Variants in LARP1B observed in about 807,000 individuals in gnomAD.
The protein encoded by LARP1B is la-related protein 1B.
A neutral mutation model predicts 114.2 loss-of-function variants in LARP1B; 76 were observed. The observed-to-expected ratio is 0.67, with a 90% CI of 0.55 to 0.81. The LOEUF is 0.81. Among genes scored for constraint, LARP1B ranks in the 30% least tolerant of loss-of-function variants. The pLI is 0.00. For synonymous variants in LARP1B, 345 were observed against 348.0 expected (o/e 0.99, Z 0.10); for missense variants, 1,014 against 1,075.8 (o/e 0.94, Z 0.80).
intron 8 of LARP1B, among the ~76,000 whole-genome samples, chr4:128,103,237 C>A (rs1780898636): frequency 6.6e-6 from 1 of 152,020 alleles, no homozygotes. Context: ...TTTATATGAT[C>A]CTTTTATGGC....
chr4:128,187,866 G>A (rs1750872597), intron 15 of LARP1B, among the ~76,000 whole-genome samples: 1 of 152,082 alleles, frequency 6.6e-6, no homozygotes, highest in African/African-American at 2.4e-5. Context: ...ATAGTGAGTT[G>A]TGAGATCTGG....
chr4:128,152,354 C>T (rs1396071333), intron 11 of LARP1B, among the ~76,000 whole-genome samples: 1 of 151,716 alleles, frequency 6.6e-6, no homozygotes, highest in East Asian at 1.9e-4. Context: ...CAGGCGCATA[C>T]CACCACGCCC....
intron 10 of LARP1B, 38 bp downstream of exon 10, chr4:128,114,780 T>G: frequency 6.3e-7 from 1 of 1,590,062 alleles, no homozygotes; most frequent in Non-Finnish European, 8.6e-7. Context: ...TGACATACCC[T>G]GGGTGGAGTA....
chr4:128,123,605 T>C (rs543307964), intron 11 of LARP1B: 1 of 432,380 alleles, frequency 2.3e-6, no homozygotes, highest in Non-Finnish European at 3.1e-6. Flanking sequence ...TTTCTATTTG[T>C]TCATTACTAT....
At chr4:128,168,763 A>G (rs1365083582) in intron 12 of LARP1B, among the ~76,000 whole-genome samples, 1 of 151,172 alleles carries the variant, frequency 6.6e-6, no homozygotes, top group Non-Finnish European at 1.5e-5. Context: ...TTCATGAGGA[A>G]TATTGTTTTT....
chr4:128,111,924 A>G (rs941640766), intron 9 of LARP1B, among the ~76,000 whole-genome samples: 11 of 151,662 alleles, frequency 7.3e-5, no homozygotes, highest in African/African-American at 2.7e-4. Flanking sequence ...TCCTGACCTC[A>G]GATGATCTGC....
chr4:128,182,302 T>TG (rs1748817497), intron 15 of LARP1B, among the ~76,000 whole-genome samples: 1 of 151,850 alleles, frequency 6.6e-6, no homozygotes, highest in Non-Finnish European at 1.5e-5. Context: ...TTTATAGAGA[T>TG]GGGGTCTCTG....
chr4:128,116,699 T>G (rs903166437), intron 10 of LARP1B, among the ~76,000 whole-genome samples: 29 of 152,218 alleles, frequency 1.9e-4, no homozygotes, highest in African/African-American at 6.8e-4. Context: ...ATTTCAGAGA[T>G]AACTGTTGAG....
intron 5 of LARP1B, among the ~76,000 whole-genome samples, chr4:128,090,035 A>C (rs891685707): frequency 6.7e-6 from 1 of 149,834 alleles, no homozygotes; most frequent in African/African-American, 2.5e-5. Flanking sequence ...AGCCTACCAA[A>C]GTGCTGGTAT....
intron 4 of LARP1B, among the ~76,000 whole-genome samples, chr4:128,080,490 A>T (rs1171933628): frequency 6.6e-6 from 1 of 152,122 alleles, no homozygotes; most frequent in Non-Finnish European, 1.5e-5. Flanking sequence ...ATTTATATTC[A>T]CTTTTCCTCA....
At chr4:128,158,665 C>T (rs1736944651) in intron 11 of LARP1B, among the ~76,000 whole-genome samples, 1 of 152,126 alleles carries the variant, frequency 6.6e-6, no homozygotes, top group African/African-American at 2.4e-5. Flanking sequence ...TTTTCAGCCT[C>T]ATTAGTAATC....
intron 13 of LARP1B, among the ~76,000 whole-genome samples, chr4:128,177,923 A>G (rs1228563643): frequency 2.0e-5 from 3 of 152,046 alleles, no homozygotes; most frequent in Non-Finnish European, 2.9e-5. Context: ...ATAAATGTCT[A>G]TCTGCAGGAG....
chr4:128,146,056 A>G (rs1580986103), intron 11 of LARP1B, among the ~76,000 whole-genome samples: 1 of 152,220 alleles, frequency 6.6e-6, no homozygotes, highest in South Asian at 2.1e-4. Context: ...TATGTATCCT[A>G]AGAAGCATCA....
chr4:128,122,585 C>G, intron 11 of LARP1B: 1 of 1,500,646 alleles, frequency 6.7e-7, no homozygotes, highest in East Asian at 2.5e-5. Context: ...CTCACCGCAG[C>G]TGTATGAGCC....
At chr4:128,061,823 G>T in intron 1 of LARP1B, 1 of 984,994 alleles carries the variant, frequency 1.0e-6, no homozygotes, top group African/African-American at 1.7e-5. Context: ...CGAATGTGAG[G>T]GCAAAGAGGC....
intron 7 of LARP1B, chr4:128,222,272 A>G: frequency 2.2e-6 from 1 of 454,980 alleles, no homozygotes; most frequent in Non-Finnish European, 4.4e-6. Flanking sequence ...AGCAGTTACC[A>G]TGAATCTGAA....
chr4:128,073,572 GTTTTTT>G (rs568197117), intron 1 of LARP1B, among the ~76,000 whole-genome samples: 2 of 39,990 alleles, frequency 5.0e-5, no homozygotes, highest in African/African-American at 1.8e-4. Flanking sequence ...TATTGTTGTC[GTTTTTT>G]TTTTTTTTTT....
rs1005686950 is a variant in LARP1B, at chr4:128,176,643, T to C, written c.1649-229T>C. On this transcript the variant is annotated intron_variant, in intron 12 of 19. Transcript: ENST00000326639. ...GGAAAACAGTATTAACACAATTCAA[T>C]TAAGTTTAGCATTCCTTTGATGAGG... 2.0e-5 allele frequency among the ~76,000 whole-genome samples: 3 copies of C among 152,146 alleles called. No homozygotes were observed. In the East Asian group the frequency reaches 5.8e-4, roughly 29 times the overall value.
intron 11 of LARP1B, among the ~76,000 whole-genome samples, chr4:128,130,552 T>C (rs1266389865): frequency 6.6e-6 from 1 of 152,210 alleles, no homozygotes; most frequent in Non-Finnish European, 1.5e-5. Flanking sequence ...CTTGCAAGGA[T>C]GTGGAGCATT....
Sources: gnomAD v4.1 joint callset for allele counts (sites outside exome capture counted in the v4.1 genomes callset) on GRCh38, gnomAD v4.1.1 for gene constraint, MANE v1.5 for transcripts, NCBI Gene and HGNC (gene_info 2026-07-23, HGNC 2026-07-21) for gene names.